The following COMMD10 variants were observed in gnomAD, a reference collection of about 807,000 sequenced individuals.
The protein encoded by COMMD10 is COMM domain-containing protein 10.
Under a neutral mutation model 28.9 loss-of-function variants are expected in COMMD10, and 33 were observed. That is an observed-to-expected ratio of 1.14 (90% confidence interval 0.87 to 1.53). The LOEUF (loss-of-function observed/expected upper bound fraction) is 1.53, where lower values mean the gene tolerates loss of function less well. Ranked by LOEUF, COMMD10 falls within the 40% of genes most tolerant of loss-of-function variation. The pLI is 0.00. For synonymous variants in COMMD10, 110 were observed against 81.7 expected, an observed-to-expected ratio of 1.35 and a Z score of -1.87; for missense variants, 310 against 233.4, an observed-to-expected ratio of 1.33 and a Z score of -2.14.
At chr5:116,218,167 CT>C in intron 5 of COMMD10, 5 of 868,028 alleles carry the variant, frequency 5.8e-6, no homozygotes, top group Non-Finnish European at 5.9e-6. Flanking sequence ...TTGCAGGGGC[CT>C]TTTTAGGCCT....
intron 5 of COMMD10, among the ~76,000 whole-genome samples, chr5:116,196,031 T>G (rs1748509701): frequency 6.6e-6 from 1 of 152,176 alleles, no homozygotes; most frequent in Admixed American, 6.5e-5. Flanking sequence ...TGTGGAGATT[T>G]CTTAAGGAAC....
At chr5:116,112,593 C>T (rs1751087678) in intron 4 of COMMD10, among the ~76,000 whole-genome samples, 5 of 152,036 alleles carry the variant, frequency 3.3e-5, no homozygotes, top group Admixed American at 3.3e-4. Context: ...TAGAGACTGT[C>T]ACCATGTTGA....
intron 5 of COMMD10, among the ~76,000 whole-genome samples, chr5:116,283,406 G>A (rs1202035193): frequency 6.6e-6 from 1 of 151,352 alleles, no homozygotes; most frequent in Non-Finnish European, 1.5e-5. Context: ...GAGTGCAGAG[G>A]CACAGTCTTG....
At chr5:116,186,668 A>G (rs918386329) in intron 5 of COMMD10, among the ~76,000 whole-genome samples, 2 of 152,080 alleles carry the variant, frequency 1.3e-5, no homozygotes, top group Admixed American at 6.6e-5. Context: ...GCTTCTAGAG[A>G]TTAGGGATCC....
chr5:116,131,944 A>T (rs1561620928), intron 4 of COMMD10, among the ~76,000 whole-genome samples: 1 of 152,044 alleles, frequency 6.6e-6, no homozygotes, highest in South Asian at 2.1e-4. Context: ...TATGTTTTAG[A>T]ACGTAGGAGT....
intron 5 of COMMD10, among the ~76,000 whole-genome samples, chr5:116,171,406 G>A (rs987166627): frequency 1.3e-5 from 2 of 152,160 alleles, no homozygotes; most frequent in African/African-American, 4.8e-5. Flanking sequence ...CAACCATTGT[G>A]GAAGACAGTG....
chr5:116,149,559 G>A (rs1335862269), intron 5 of COMMD10, among the ~76,000 whole-genome samples: 3 of 147,106 alleles, frequency 2.0e-5, no homozygotes, highest in Non-Finnish European at 4.5e-5. Context: ...TAACCGGTGT[G>A]AGATGGTATC....
At chr5:116,262,125 A>T (rs2112686825) in intron 5 of COMMD10, among the ~76,000 whole-genome samples, 1 of 151,706 alleles carries the variant, frequency 6.6e-6, no homozygotes, top group East Asian at 1.9e-4. Context: ...AGTCTGACTA[A>T]AGAGCTGGTA....
intron 5 of COMMD10, among the ~76,000 whole-genome samples, chr5:116,276,751 C>T (rs1038636115): frequency 6.6e-6 from 1 of 151,606 alleles, no homozygotes; most frequent in African/African-American, 2.4e-5. Context: ...ATGAATGAAA[C>T]TGGTCACAAA....
At position 116,179,642 on chromosome 5, in the gene COMMD10, G is replaced by A. The variant is rs183893445; in HGVS notation, c.510+45464G>A. Among the ~76,000 whole-genome samples the A allele has an allele frequency of 1.3e-3, 203 of 152,272 alleles. 1 individual carries two copies. The highest frequency in any genetic ancestry group is 2.3e-3 in the Non-Finnish European group (154 of 68,016). On this transcript the variant is annotated intron_variant, in intron 5 of 6. Transcript: ENST00000274458. The stretch of plus-strand genomic sequence containing the variant: ...AGGTATACAATAGGAATTAATTTCA[G>A]TTAGTAACCTGGGCCTGGATTGAAG...
intron 5 of COMMD10, among the ~76,000 whole-genome samples, chr5:116,267,267 A>G (rs1423172104): frequency 2.6e-5 from 4 of 151,910 alleles, no homozygotes; most frequent in African/African-American, 9.7e-5. Context: ...ACACAAAATC[A>G]ATGTGCAAAA....
At chr5:116,244,658 T>G (rs987995452) in intron 5 of COMMD10, among the ~76,000 whole-genome samples, 3 of 48,606 alleles carry the variant, frequency 6.2e-5, no homozygotes, top group African/African-American at 3.0e-4. Context: ...AAAAAAAAAT[T>G]ACAAAAAAAA....
chr5:116,134,019 T>G (rs1561622047), intron 4 of COMMD10, 49 bp from the exon 5 acceptor site: 1 of 1,079,662 alleles, frequency 9.3e-7, no homozygotes. Context: ...AGTTGACTGT[T>G]TTCTTCCTTC....
At chr5:116,107,740 T>A (rs559947316) in intron 4 of COMMD10, among the ~76,000 whole-genome samples, 2 of 149,516 alleles carry the variant, frequency 1.3e-5, no homozygotes, top group East Asian at 2.0e-4. Context: ...GGAGTTGTGA[T>A]CCTTTGGAGG....
chr5:116,261,870 G>A (rs1750456290), intron 5 of COMMD10, among the ~76,000 whole-genome samples: 1 of 151,530 alleles, frequency 6.6e-6, no homozygotes, highest in Admixed American at 6.6e-5. Context: ...AACTGTTTCG[G>A]TTTCAGAAAT....
chr5:116,092,653 C>A lies in COMMD10; in HGVS notation c.352C>A (p.Gln118Lys). The A allele has an allele frequency of 1.9e-6, 3 of 1,610,166 alleles. No individual in the cohort carries two copies. The highest frequency in any genetic ancestry group is 2.5e-6 in the Non-Finnish European group (3 of 1,178,024). Reference protein sequence around the residue: ...AFVNTWSSMGQETVEKFRQRI... With the variant: ...AFVNTWSSMGKETVEKFRQRI... The stretch of plus-strand genomic sequence containing the variant: ...TGTCAATACGTGGTCTTCTATGGGT[C>A]AAGAAACAGTTGAAAAGTTCCGGCA... The change falls in exon 4 of 7, where the codon CAA (glutamine) becomes AAA (lysine). Residue 118 changes from glutamine to lysine, a missense_variant. By Grantham distance (53) the Gln-to-Lys change is moderately conservative. Coordinates refer to ENST00000274458, the MANE Select transcript of COMMD10 (RefSeq NM_016144.4).
chr5:116,229,305 A>C (rs535641690), intron 5 of COMMD10, among the ~76,000 whole-genome samples: 6 of 152,004 alleles, frequency 3.9e-5, no homozygotes, highest in Non-Finnish European at 7.4e-5. Flanking sequence ...ACAGGTATTC[A>C]TATGTAATAA....
chr5:116,267,217 A>G (rs1750611085), intron 5 of COMMD10, among the ~76,000 whole-genome samples: 1 of 151,904 alleles, frequency 6.6e-6, no homozygotes, highest in Admixed American at 6.6e-5. Flanking sequence ...CCAGCCCAAA[A>G]TCTCCTTAAG....
intron 5 of COMMD10, among the ~76,000 whole-genome samples, chr5:116,273,272 G>A (rs1435641424): frequency 4.6e-5 from 7 of 151,682 alleles, no homozygotes; most frequent in African/African-American, 1.7e-4. Context: ...TTTTTCATGA[G>A]CTTTTTGAAG....
Sources: allele counts gnomAD v4.1 joint callset (sites outside exome capture counted in the v4.1 genomes callset), GRCh38; gene constraint gnomAD v4.1.1; transcripts MANE v1.5; gene names NCBI Gene and HGNC (gene_info 2026-07-23, HGNC 2026-07-21).